Variants in GRID2 observed in about 807,000 individuals in gnomAD.
GRID2 encodes glutamate receptor ionotropic, delta-2.
GRID2 carries 33 observed loss-of-function variants against 114.8 expected under a neutral mutation model. The observed-to-expected ratio is 0.29, with a 90% CI of 0.22 to 0.38. The LOEUF (loss-of-function observed/expected upper bound fraction) is 0.38, where lower values mean the gene tolerates loss of function less well. Among genes scored for constraint, GRID2 ranks in the 10% least tolerant of loss-of-function variants. The pLI, the probability that GRID2 is intolerant of heterozygous loss-of-function variation, is 1.00. For missense variants in GRID2, 1,184 were observed against 1,257.7 expected (o/e 0.94, Z 0.89); for synonymous variants, 505 against 449.9 (o/e 1.12, Z -1.55).
intron 13 of GRID2, among the ~76,000 whole-genome samples, chr4:93,516,698 T>C (rs1729765724): frequency 6.6e-6 from 1 of 152,018 alleles, no homozygotes; most frequent in Non-Finnish European, 1.5e-5. Flanking sequence ...ACATGTATTT[T>C]TGGGGAAGGG....
At chr4:93,779,874 T>A (rs941369117) in intron 1 of GRID2, among the ~76,000 whole-genome samples, 1 of 152,004 alleles carries the variant, frequency 6.6e-6, no homozygotes, top group Non-Finnish European at 1.5e-5. Context: ...AAAGGCAAAG[T>A]GTGAGTGAGA....
At chr4:93,001,919 G>A (rs1448058684) in intron 2 of GRID2, among the ~76,000 whole-genome samples, 1 of 147,102 alleles carries the variant, frequency 6.8e-6, no homozygotes, top group Admixed American at 6.8e-5. Flanking sequence ...TAGACACCAG[G>A]GTAATTATTT....
intron 2 of GRID2, among the ~76,000 whole-genome samples, chr4:92,643,926 CAT>C (rs1553911627): frequency 2.6e-5 from 4 of 151,746 alleles, no homozygotes; most frequent in African/African-American, 7.3e-5. Flanking sequence ...TCAAGGATCA[CAT>C]ATTATAATAT....
chr4:93,795,065 C>A (rs1008952032), intron 1 of GRID2, among the ~76,000 whole-genome samples: 4 of 152,072 alleles, frequency 2.6e-5, no homozygotes, highest in African/African-American at 9.7e-5. Flanking sequence ...TACTTTTTCA[C>A]ATAAGAAGAT....
chr4:93,741,727 C>T (rs1265838597), intron 14 of GRID2, among the ~76,000 whole-genome samples: 1 of 152,044 alleles, frequency 6.6e-6, no homozygotes. Context: ...AGTTCGAGAC[C>T]AGCCTGGCTA....
intron 8 of GRID2, among the ~76,000 whole-genome samples, chr4:93,261,190 G>C (rs991347929): frequency 6.6e-6 from 1 of 151,874 alleles, no homozygotes; most frequent in African/African-American, 2.4e-5. Flanking sequence ...GGTTCCCAGA[G>C]ATTATAATTG....
chr4:93,090,692 A>G (rs1238097885), intron 3 of GRID2, among the ~76,000 whole-genome samples: 1 of 152,160 alleles, frequency 6.6e-6, no homozygotes, highest in Admixed American at 6.6e-5. Flanking sequence ...TAAACAGTTG[A>G]AAATTTCTTA....
chr4:93,676,208 A>C (rs1172089046), intron 14 of GRID2, among the ~76,000 whole-genome samples: 1 of 152,248 alleles, frequency 6.6e-6, no homozygotes, highest in Non-Finnish European at 1.5e-5. Context: ...TGAACAAACT[A>C]ATCCTCTATG....
Position 93,106,020 on chromosome 4 carries a change from C to T in GRID2, c.530-4728C>T, listed in dbSNP as rs116560255. 4.9e-3 allele frequency among the ~76,000 whole-genome samples: 750 copies of T among 152,200 alleles called. 13 individuals carry two copies. Among genetic ancestry groups the T allele is most frequent in the African/African-American group, 0.017 (719 of 41,524 alleles). On this transcript the variant is annotated intron_variant, in intron 3 of 15. Transcript: ENST00000282020. ...TTCCTTTATAGTGTCATGGAAAAAA[C>T]ATCTTCCTCCTCCCCCAGTCTTATG...
chr4:93,497,909 G>C lies in GRID2; in HGVS notation c.1997+7132G>C, dbSNP rs569346594. The stretch of plus-strand genomic sequence containing the variant: ...GACAGTAATTGCATTAAATAAATTG[G>C]AGTGAGAATTCACATTTTTAATATG... On this transcript the variant is annotated intron_variant, in intron 12 of 15. Coordinates refer to ENST00000282020, the MANE Select transcript of GRID2 (RefSeq NM_001510.4). Among the ~76,000 whole-genome samples, 4 of 151,702 alleles carry C rather than the reference G, an allele frequency of 2.6e-5. No individual in the cohort carries two copies. The East Asian group carries it at 7.8e-4, about 30-fold the overall frequency.
rs181097180 is a variant in GRID2, at chr4:92,630,790, G to T, written c.244+40504G>T. Among the ~76,000 whole-genome samples, 19 of 152,124 alleles carry T rather than the reference G, an allele frequency of 1.2e-4. 1 individual carries two copies. Among genetic ancestry groups the T allele is most frequent in the Admixed American group, 1.0e-3 (16 of 15,268 alleles). ...AGTAGGAAGAAAATACATTACGGAG[G>T]CTGGAAAGATTAGTAAGTTATACTA... is the stretch of plus-strand genomic sequence containing the variant. On this transcript the variant is annotated intron_variant, in intron 2 of 15. Transcript: ENST00000282020.
chr4:92,395,258 G>A (rs898768630), intron 1 of GRID2, among the ~76,000 whole-genome samples: 1 of 151,406 alleles, frequency 6.6e-6, no homozygotes, highest in Admixed American at 6.6e-5. Context: ...TTCATAATAA[G>A]GTAGGGATAT....
rs116266294 is a variant in GRID2, at chr4:92,393,821, T to C, written c.88+89077T>C. 2.9e-3 allele frequency among the ~76,000 whole-genome samples: 438 copies of C among 152,298 alleles called. 1 individual carries two copies. The highest frequency in any genetic ancestry group is 0.01 in the African/African-American group (425 of 41,572). The stretch of plus-strand genomic sequence containing the variant: ...GATGTTCATTTTAATGGAATTTTTA[T>C]GTTAAAGCCTAGTGATCTGATGAAA... On this transcript the variant is annotated intron_variant, in intron 1 of 15. Transcript: ENST00000282020.
At chr4:93,248,592 TC>T (rs1444344391) in intron 8 of GRID2, among the ~76,000 whole-genome samples, 1 of 152,222 alleles carries the variant, frequency 6.6e-6, no homozygotes, top group Non-Finnish European at 1.5e-5. Flanking sequence ...TATCTTGTTC[TC>T]TCAGGCCTAT....
At chr4:92,651,107 C>G (rs1394627728) in intron 2 of GRID2, among the ~76,000 whole-genome samples, 2 of 152,160 alleles carry the variant, frequency 1.3e-5, no homozygotes, top group South Asian at 2.1e-4. Flanking sequence ...TCAAGGAATT[C>G]TATAAGTGCA....
chr4:93,354,851 A>G (rs1328258598), intron 8 of GRID2, among the ~76,000 whole-genome samples: 3 of 147,726 alleles, frequency 2.0e-5, no homozygotes, highest in African/African-American at 7.4e-5. Flanking sequence ...AAAATGTTCA[A>G]TAAGGCCTGT....
intron 2 of GRID2, among the ~76,000 whole-genome samples, chr4:92,915,215 T>C (rs1179219171): frequency 6.6e-6 from 1 of 152,166 alleles, no homozygotes; most frequent in Non-Finnish European, 1.5e-5. Context: ...TCAGTTATCT[T>C]CACTTGGTCT....
chr4:93,202,497 G>A (rs999958272), intron 4 of GRID2, among the ~76,000 whole-genome samples: 3 of 152,132 alleles, frequency 2.0e-5, no homozygotes, highest in Non-Finnish European at 2.9e-5. Context: ...TAAGGAATGT[G>A]GGAAAAGAAA....
chr4:92,922,828 A>C (rs1344200435), intron 2 of GRID2, among the ~76,000 whole-genome samples: 1 of 152,210 alleles, frequency 6.6e-6, no homozygotes, highest in Non-Finnish European at 1.5e-5. Flanking sequence ...TTTCATTCAA[A>C]ACATCAGAAA....
Sources: allele counts gnomAD v4.1 joint callset (sites outside exome capture counted in the v4.1 genomes callset), GRCh38; gene constraint gnomAD v4.1.1; transcripts MANE v1.5; gene names NCBI Gene and HGNC (gene_info 2026-07-23, HGNC 2026-07-21).